TBC1D14: variants seen among roughly 807,000 people sequenced by gnomAD.
TBC1D14 encodes TBC1 domain family member 14, also known as TBC1 domain family, member 14.
Under a neutral mutation model 79.0 loss-of-function variants are expected in TBC1D14, and 26 were observed. The ratio of observed to expected loss-of-function variants is 0.33; its 90% CI spans 0.24 to 0.46. The LOEUF (loss-of-function observed/expected upper bound fraction) is 0.46, where lower values mean the gene tolerates loss of function less well. Among genes scored for constraint, TBC1D14 ranks in the 20% least tolerant of loss-of-function variants. TBC1D14 has a pLI of 1.00. For synonymous variants in TBC1D14, 394 were observed against 349.9 expected (o/e 1.13, Z -1.40); for missense variants, 769 against 887.6 (o/e 0.87, Z 1.70).
chr4:7,014,197 T>C (rs527850584), intron 11 of TBC1D14, among the ~76,000 whole-genome samples: 1 of 152,342 alleles, frequency 6.6e-6, no homozygotes, highest in Non-Finnish European at 1.5e-5. Flanking sequence ...GTTCCATAAC[T>C]GCTTTGGGTT....
chr4:6,934,048 A>G (rs536548939), intron 2 of TBC1D14, among the ~76,000 whole-genome samples: 1 of 152,252 alleles, frequency 6.6e-6, no homozygotes, highest in African/African-American at 2.4e-5. Flanking sequence ...AGTTTGAGAC[A>G]TCTTAGACAT....
intron 3 of TBC1D14, chr4:6,987,331 T>G: frequency 7.1e-7 from 1 of 1,418,104 alleles, no homozygotes; most frequent in Non-Finnish European, 9.3e-7. Flanking sequence ...CGCGCGCCTC[T>G]AAGGCCCCGG....
At chr4:6,965,691 A>G (rs1715641904) in intron 2 of TBC1D14, among the ~76,000 whole-genome samples, 1 of 152,098 alleles carries the variant, frequency 6.6e-6, no homozygotes, top group Non-Finnish European at 1.5e-5. Context: ...GATACATGCC[A>G]CCGTACCTGG....
intron 7 of TBC1D14, among the ~76,000 whole-genome samples, chr4:7,003,281 C>T (rs937007125): frequency 1.3e-5 from 2 of 152,210 alleles, no homozygotes; most frequent in African/African-American, 4.8e-5. Flanking sequence ...GCCTCTGTGA[C>T]TTAAATGTCA....
At chr4:6,992,694 T>C (rs1288693019) in intron 3 of TBC1D14, among the ~76,000 whole-genome samples, 1 of 152,224 alleles carries the variant, frequency 6.6e-6, no homozygotes, top group Non-Finnish European at 1.5e-5. Context: ...TTTTGTTTGA[T>C]TTCCTATGAA....
In TBC1D14 at chr4:6,923,662, C is replaced by A. The variant is rs117097571; in HGVS notation, c.273C>A (p.Ser91=). ...CSAVHVRRKQ[S]DSDLIPERAF... is the part of the protein sequence containing the mutation. Reference sequence around the variant, plus strand: ...CGGTCCACGTGAGGAGGAAGCAGTCCGACTCCGACCTCATCCCCGAGCGGG... The same window carrying A: ...CGGTCCACGTGAGGAGGAAGCAGTCAGACTCCGACCTCATCCCCGAGCGGG... The change falls in exon 2 of 14, where the codon TCC becomes TCA. Residue 91 remains serine, a synonymous_variant. Coordinates refer to ENST00000409757, the MANE Select transcript of TBC1D14 (RefSeq NM_020773.3). The A allele has an allele frequency of 1.3e-5, 21 of 1,613,816 alleles. No homozygotes were observed. The East Asian group carries it at 4.2e-4, about 33-fold the overall frequency.
chr4:7,000,355 A>AC (rs1276387885), intron 6 of TBC1D14, among the ~76,000 whole-genome samples: 2 of 151,986 alleles, frequency 1.3e-5, no homozygotes, highest in African/African-American at 4.8e-5. Flanking sequence ...ACTTTATCTC[A>AC]CTTCATCCTC....
chr4:6,997,805 C>G (rs969691033), intron 5 of TBC1D14, among the ~76,000 whole-genome samples: 4 of 152,028 alleles, frequency 2.6e-5, no homozygotes, highest in African/African-American at 9.7e-5. Flanking sequence ...TCTATGAGGT[C>G]CCTAAGAGCA....
At chr4:7,016,262 C>T (rs1243803524) in intron 12 of TBC1D14, among the ~76,000 whole-genome samples, 2 of 152,190 alleles carry the variant, frequency 1.3e-5, no homozygotes, top group African/African-American at 2.4e-5. Flanking sequence ...CCGTGAGTGG[C>T]GCTGGCGGGG....
chr4:6,910,264 C>T (rs960161208), intron 1 of TBC1D14: 1 of 152,166 alleles, frequency 6.6e-6, no homozygotes, highest in African/African-American at 2.4e-5. Flanking sequence ...TTTTCCTACT[C>T]CGACGCGAGG....
At chr4:6,944,129 C>T (rs1008887008) in intron 2 of TBC1D14, among the ~76,000 whole-genome samples, 4 of 152,232 alleles carry the variant, frequency 2.6e-5, no homozygotes, top group African/African-American at 7.2e-5. Context: ...ACTTCGGCGT[C>T]GTTCTATTTT....
Position 6,925,865 on chromosome 4 carries a change from C to T in TBC1D14, c.722+1754C>T, listed in dbSNP as rs550848391. ...AACAACACCTGGTACCCGTTCCACG[C>T]GGACCTCAGGATCCATCCAGACATA... On this transcript the variant is annotated intron_variant, in intron 2 of 13. Coordinates refer to ENST00000409757, the MANE Select transcript of TBC1D14 (RefSeq NM_020773.3). Among the ~76,000 whole-genome samples the T allele has an allele frequency of 1.5e-4, 23 of 152,290 alleles. No homozygotes were observed. In the South Asian group the frequency reaches 2.3e-3, roughly 15 times the overall value.
chr4:6,945,844 G>A (rs879821891), intron 2 of TBC1D14, among the ~76,000 whole-genome samples: 2 of 149,880 alleles, frequency 1.3e-5, no homozygotes, highest in Non-Finnish European at 3.0e-5. Flanking sequence ...ATTAAGGAGC[G>A]AAGTTCTCAG....
intron 3 of TBC1D14, among the ~76,000 whole-genome samples, chr4:6,987,762 G>A (rs943757599): frequency 6.6e-6 from 1 of 152,190 alleles, no homozygotes; most frequent in Non-Finnish European, 1.5e-5. Context: ...ATGAGACTGC[G>A]CTCCGAGCTC....
chr4:6,940,374 G>C (rs140974177), intron 2 of TBC1D14, among the ~76,000 whole-genome samples: 1 of 152,182 alleles, frequency 6.6e-6, no homozygotes, highest in African/African-American at 2.4e-5. Context: ...GGTGTGAAAC[G>C]AGCAAATCCA....
chr4:6,921,011 C>G, intron 1 of TBC1D14, among the ~76,000 whole-genome samples: 1 of 152,198 alleles, frequency 6.6e-6, no homozygotes, highest in Admixed American at 6.5e-5. Context: ...AACTCCTGAC[C>G]TCAGGTGATC....
Position 7,014,570 on chromosome 4 carries a change from T to C in TBC1D14, c.1757+13T>C. Reference sequence around the variant, plus strand: ...ACCTAATTGATTGGTAAGACTGGCTTTTCCCTGTGTTTTCAGAGCATTTCT... The same window carrying C: ...ACCTAATTGATTGGTAAGACTGGCTCTTCCCTGTGTTTTCAGAGCATTTCT... On this transcript the variant is annotated intron_variant, in intron 12 of 13. Coordinates refer to ENST00000409757, the MANE Select transcript of TBC1D14 (RefSeq NM_020773.3). The C allele has an allele frequency of 2.6e-6, 4 of 1,547,066 alleles. No individual in the cohort carries two copies. The highest frequency in any genetic ancestry group is 3.6e-6 in the Non-Finnish European group (4 of 1,119,950).
intron 3 of TBC1D14, among the ~76,000 whole-genome samples, chr4:6,988,658 G>A (rs921890782): frequency 1.3e-5 from 2 of 152,178 alleles, no homozygotes; most frequent in African/African-American, 2.4e-5. Context: ...TGCAGACAGC[G>A]GGGTCGGAGA....
intron 1 of TBC1D14, among the ~76,000 whole-genome samples, chr4:6,917,615 G>A (rs1446671824): frequency 1.3e-5 from 2 of 152,088 alleles, no homozygotes; most frequent in Non-Finnish European, 2.9e-5. Context: ...AATGGCTGGG[G>A]GTGACTGCAC....
Sources: gnomAD v4.1 joint callset for allele counts (sites outside exome capture counted in the v4.1 genomes callset) on GRCh38, gnomAD v4.1.1 for gene constraint, MANE v1.5 for transcripts, NCBI Gene and HGNC (gene_info 2026-07-23, HGNC 2026-07-21) for gene names.